Variants in MGAT4C observed in about 807,000 individuals in gnomAD.
MGAT4C encodes alpha-1,3-mannosyl-glycoprotein 4-beta-N-acetylglucosaminyltransferase C.
A neutral mutation model predicts 40.1 loss-of-function variants in MGAT4C; 19 were observed. That is an observed-to-expected ratio of 0.47 (90% CI 0.33 to 0.70). The LOEUF (loss-of-function observed/expected upper bound fraction) is 0.70. Among genes scored for constraint, MGAT4C ranks in the 30% least tolerant of loss-of-function variants. The pLI is 0.02. For missense variants in MGAT4C, 491 were observed against 563.2 expected, an observed-to-expected ratio of 0.87 and a Z score of 1.30; for synonymous variants, 181 against 187.1, an observed-to-expected ratio of 0.97 and a Z score of 0.27.
chr12:86,207,111 C>T (rs202057747), intron 1 of MGAT4C, among the ~76,000 whole-genome samples: 1 of 148,098 alleles, frequency 6.8e-6, no homozygotes, highest in African/African-American at 2.5e-5. Flanking sequence ...CCTTTTTTTT[C>T]TTTTTTTTTT....
At position 86,000,719 on chromosome 12, in the gene MGAT4C, G is replaced by T. The variant is rs531977623; in HGVS notation, c.-6-11167C>A. Among the ~76,000 whole-genome samples the T allele has an allele frequency of 2.0e-5, 3 of 152,194 alleles. No homozygotes were observed. In the South Asian group the frequency reaches 6.2e-4, roughly 32 times the overall value. On this transcript the variant is annotated intron_variant, in intron 2 of 4. Transcript: ENST00000611864. Reference sequence around the variant, plus strand: ...TTGATAACATTTTAAGTAATTTTATGAATAGTAGGAGTAAACATGAATATG... The same window carrying T: ...TTGATAACATTTTAAGTAATTTTATTAATAGTAGGAGTAAACATGAATATG...
chr12:86,372,431 A>C (rs978832004), intron 3 of MGAT4C, among the ~76,000 whole-genome samples: 7 of 151,976 alleles, frequency 4.6e-5, no homozygotes, highest in Middle Eastern at 3.2e-3. Context: ...CTTTAAAATC[A>C]CATAATTCTA....
intron 2 of MGAT4C, among the ~76,000 whole-genome samples, chr12:86,724,286 C>CA (rs1263734051): frequency 7.9e-5 from 12 of 152,164 alleles, no homozygotes; most frequent in Admixed American, 5.9e-4. Context: ...ATGATCTCCT[C>CA]AGCACTGTTG....
intron 2 of MGAT4C, among the ~76,000 whole-genome samples, chr12:86,549,105 T>C (rs1959231311): frequency 1.3e-5 from 2 of 152,214 alleles, no homozygotes; most frequent in Non-Finnish European, 2.9e-5. Context: ...TAGCACTCTA[T>C]AAAAAGTGAA....
At chr12:86,626,159 T>C (rs1593056120) in intron 2 of MGAT4C, among the ~76,000 whole-genome samples, 1 of 152,312 alleles carries the variant, frequency 6.6e-6, no homozygotes, top group Admixed American at 6.5e-5. Context: ...TGAAGAAGAT[T>C]TGAATTAAAA....
intron 2 of MGAT4C, among the ~76,000 whole-genome samples, chr12:86,526,314 T>G (rs1958882001): frequency 6.6e-6 from 1 of 152,002 alleles, no homozygotes; most frequent in South Asian, 2.1e-4. Context: ...GGGAGTAAAC[T>G]GCACTCCTGC....
At chr12:86,633,917 T>C (rs926336169) in intron 2 of MGAT4C, among the ~76,000 whole-genome samples, 2 of 152,086 alleles carry the variant, frequency 1.3e-5, no homozygotes, top group African/African-American at 4.8e-5. Flanking sequence ...GCTCGAGTTT[T>C]TTTTTTATTA....
intron 1 of MGAT4C, among the ~76,000 whole-genome samples, chr12:86,167,269 A>G (rs2135817997): frequency 6.6e-6 from 1 of 152,348 alleles, no homozygotes; most frequent in East Asian, 1.9e-4. Flanking sequence ...TTATAGTCAT[A>G]CAAAATTGTA....
At chr12:86,069,519 G>T (rs895123112) in intron 1 of MGAT4C, among the ~76,000 whole-genome samples, 12 of 152,124 alleles carry the variant, frequency 7.9e-5, no homozygotes, top group African/African-American at 2.9e-4. Context: ...ATGGCACTAA[G>T]GTGGAAGTGA....
intron 1 of MGAT4C, among the ~76,000 whole-genome samples, chr12:86,136,281 C>T (rs976762184): frequency 1.3e-5 from 2 of 152,022 alleles, no homozygotes; most frequent in African/African-American, 4.8e-5. Context: ...CAAAATAAAA[C>T]TCTGTCTTTA....
At chr12:86,814,786 T>C (rs1406515382) in intron 1 of MGAT4C, among the ~76,000 whole-genome samples, 1 of 151,950 alleles carries the variant, frequency 6.6e-6, no homozygotes, top group East Asian at 1.9e-4. Context: ...CCTTACCTTT[T>C]CCACCATTTG....
At chr12:86,182,543 C>T (rs1888243573) in intron 1 of MGAT4C, among the ~76,000 whole-genome samples, 1 of 152,050 alleles carries the variant, frequency 6.6e-6, no homozygotes, top group Non-Finnish European at 1.5e-5. Context: ...CTCTCCCTTC[C>T]TACTTGCTTT....
intron 1 of MGAT4C, among the ~76,000 whole-genome samples, chr12:86,138,637 TATATC>T (rs1882379747): frequency 6.8e-6 from 1 of 147,730 alleles, no homozygotes. Context: ...TTTCCATAGA[TATATC>T]ATATATATAT....
intron 2 of MGAT4C, among the ~76,000 whole-genome samples, chr12:86,639,397 T>A (rs1963313527): frequency 6.6e-6 from 1 of 151,692 alleles, no homozygotes; most frequent in Non-Finnish European, 1.5e-5. Flanking sequence ...TATTATTGGT[T>A]TTTGGGACAT....
chr12:86,593,791 G>A lies in MGAT4C; in HGVS notation c.-229+133418C>T, dbSNP rs538491475. Among the ~76,000 whole-genome samples, 5 of 152,022 alleles carry A rather than the reference G, an allele frequency of 3.3e-5. No homozygotes were observed. In the South Asian group the frequency reaches 6.2e-4, roughly 19 times the overall value. Reference sequence around the variant, plus strand: ...CTGCATATTTGTCTACCCTAGTGTTGGGTGAGGTACTCCACAGATTTCCAT... The same window carrying A: ...CTGCATATTTGTCTACCCTAGTGTTAGGTGAGGTACTCCACAGATTTCCAT... On this transcript the variant is annotated intron_variant, in intron 2 of 7. Coordinates refer to the MGAT4C transcript ENST00000548651.
Position 86,093,840 on chromosome 12 carries a change from A to G in MGAT4C, c.-56-44117T>C, listed in dbSNP as rs144379494. On this transcript the variant is annotated intron_variant, in intron 1 of 4. Coordinates refer to ENST00000611864, the MANE Select transcript of MGAT4C (RefSeq NM_001351288.2). ...ACGTTTCATGTTTTCTCATTCTACA[A>G]ATAGGTCACCTCCTTAAATGTAGTC... 3.2e-3 allele frequency among the ~76,000 whole-genome samples: 492 copies of G among 152,218 alleles called. 4 individuals are homozygous for G. The highest frequency in any genetic ancestry group is 0.011 in the African/African-American group (462 of 41,534).
intron 2 of MGAT4C, among the ~76,000 whole-genome samples, chr12:86,623,831 T>A (rs999820790): frequency 6.6e-6 from 1 of 152,154 alleles, no homozygotes; most frequent in Non-Finnish European, 1.5e-5. Flanking sequence ...TTTGTGGTGT[T>A]TTAATTTAGC....
At chr12:86,312,917 A>G (rs1318008798) in intron 4 of MGAT4C, among the ~76,000 whole-genome samples, 1 of 152,120 alleles carries the variant, frequency 6.6e-6, no homozygotes, top group Non-Finnish European at 1.5e-5. Context: ...CTGAGCCCCA[A>G]GCATAATATT....
upstream of MGAT4C, among the ~76,000 whole-genome samples, chr12:86,259,424 G>T (rs1566237491): frequency 6.6e-6 from 1 of 151,708 alleles, no homozygotes; most frequent in African/African-American, 2.4e-5. Flanking sequence ...AATACAACCT[G>T]ATTACAAAAT....
Sources: gnomAD v4.1 joint callset for allele counts (sites outside exome capture counted in the v4.1 genomes callset) on GRCh38, gnomAD v4.1.1 for gene constraint, MANE v1.5 for transcripts, NCBI Gene and HGNC (gene_info 2026-07-23, HGNC 2026-07-21) for gene names.